Variants in PAX9 observed in about 807,000 individuals in gnomAD.
The protein encoded by PAX9 is paired box 9.
Under a neutral mutation model 29.1 loss-of-function variants are expected in PAX9, and 6 were observed. The observed-to-expected ratio is 0.21, with a 90% CI of 0.11 to 0.41. The LOEUF (loss-of-function observed/expected upper bound fraction) is 0.41. PAX9 is among the 10% of genes least tolerant of loss of function. PAX9 has a pLI of 1.00. For synonymous variants in PAX9, 217 were observed against 211.7 expected (o/e 1.03, Z -0.22); for missense variants, 443 against 479.1 (o/e 0.92, Z 0.70).
rs3061562 is a variant in PAX9 at position 36,672,852 on chromosome 14, C to CTTTTTTTTTTTTT, written c.772-3328_772-3316dup. Among the ~76,000 whole-genome samples the CTTTTTTTTTTTTT allele has an allele frequency of 6.3e-3, 121 of 19,158 alleles. 52 individuals are homozygous for CTTTTTTTTTTTTT. The highest frequency in any genetic ancestry group is 9.9e-3 in the Non-Finnish European group (103 of 10,444). 12.6% of individuals were successfully genotyped at this position (19,158 alleles called of 152,430 possible). A position where few individuals can be genotyped will look rare whatever the true frequency, so the allele number is the denominator to read the frequency against. The stretch of plus-strand genomic sequence containing the variant: ...TTCTTTTTTCTTTCTTTCTTTCTTC[C>CTTTTTTTTTTTTT]TTTTTTTTTTTTTTTTTTTTTTTTT... On this transcript the variant is annotated intron_variant, in intron 3 of 3. Coordinates refer to ENST00000361487, the MANE Select transcript of PAX9 (RefSeq NM_001372076.1).
chr14:36,662,865 G>C, intron 1 of PAX9, 32 bp from the exon 2 acceptor site: 1 of 1,591,034 alleles, frequency 6.3e-7, no homozygotes, highest in Non-Finnish European at 8.6e-7. Context: ...CAGCGGGTGC[G>C]CGTCCCTGCG....
chr14:36,664,917 T>G (rs1331391123), intron 2 of PAX9, among the ~76,000 whole-genome samples: 1 of 152,118 alleles, frequency 6.6e-6, no homozygotes, highest in Non-Finnish European at 1.5e-5. Flanking sequence ...AGTTTGCCCT[T>G]GATTTATAGG....
rs1881376836 is a variant in PAX9, at chr14:36,663,579, C to A, written c.631+56C>A. 8 of 1,604,692 alleles carry A rather than the reference C, an allele frequency of 5.0e-6. No individual in the cohort carries two copies. In the Middle Eastern group the frequency reaches 1.2e-3, roughly 240 times the overall value. ...TGCAGCGTCTGCCCCCGCACTCTCG[C>A]GGAGGTCCCAGTATCTGCAGCCTCA... is the stretch of plus-strand genomic sequence containing the variant. On this transcript the variant is annotated intron_variant, in intron 2 of 3. Coordinates refer to ENST00000361487, the MANE Select transcript of PAX9 (RefSeq NM_001372076.1).
rs749662886 is a variant in PAX9 at position 36,663,517 on chromosome 14, G to C, written c.625G>C (p.Asp209His). 40 of 1,612,688 alleles carry C rather than the reference G, an allele frequency of 2.5e-5. No individual in the cohort carries two copies. Among genetic ancestry groups the C allele is most frequent in the Non-Finnish European group, 3.1e-5 (37 of 1,179,916 alleles). The change falls in exon 2 of 4, where the codon GAC becomes CAC. Residue 209 changes from aspartate to histidine, a missense_variant. Around this residue, in one of 2 missense-constraint regions of PAX9, gnomAD observed 336 missense variants for 317.2 expected, o/e 1.06. Coordinates refer to ENST00000361487, the MANE Select transcript of PAX9 (RefSeq NM_001372076.1). ...TDILGIRSIT[D>H]QVSDSSPYHS... ...CATCCTGGGCATCCGCTCCATCACC[G>C]ACCAAGGTAGGGGCTCAGAGGCTGG...
At chr14:36,668,454 T>A (rs1351452590) in intron 3 of PAX9, among the ~76,000 whole-genome samples, 2 of 152,220 alleles carry the variant, frequency 1.3e-5, no homozygotes, top group Admixed American at 6.5e-5. Context: ...AGTGGCGCGA[T>A]CTCTACTTAT....
chr14:36,666,696 G>T (rs1373783482), intron 3 of PAX9, 95 bp downstream of exon 3: 1 of 1,456,856 alleles, frequency 6.9e-7, no homozygotes, highest in Non-Finnish European at 9.4e-7. Context: ...AGCTTCCCGC[G>T]AGAGAAGCCC....
chr14:36,674,662 T>C (rs1008159129), intron 3 of PAX9, among the ~76,000 whole-genome samples: 2 of 152,218 alleles, frequency 1.3e-5, no homozygotes. Flanking sequence ...AATTCATTAA[T>C]ACTCATTACT....
chr14:36,663,481 T>G lies in PAX9; in HGVS notation c.589T>G (p.Ser197Ala). 2 of 1,612,892 alleles carry G rather than the reference T, an allele frequency of 1.2e-6. No homozygotes were observed. The highest frequency in any genetic ancestry group is 1.7e-6 in the Non-Finnish European group (2 of 1,179,876). Residue 197 changes from serine (S) to alanine (A), a missense_variant, in exon 2 of 4, where the codon TCC (serine) becomes GCC (alanine). Around this residue, in one of 2 missense-constraint regions of PAX9, gnomAD observed 336 missense variants for 317.2 expected, o/e 1.06. Coordinates refer to ENST00000361487, the MANE Select transcript of PAX9 (RefSeq NM_001372076.1). ...GCCGCGCACCTGGCCCTCCTCGCAC[T>G]CCGTCACCGACATCCTGGGCATCCG... ...AMPRTWPSSH[S>A]VTDILGIRSI...
In PAX9 at chr14:36,663,375, G is replaced by T. The variant is rs761015279; in HGVS notation, c.483G>T (p.Ser161=). ...QPALPYNHIY[S]YPSPITAAAA... The stretch of plus-strand genomic sequence containing the variant: ...CGCTGCCCTACAACCACATCTACTC[G>T]TACCCCAGCCCTATCACGGCGGCGG... The change falls in exon 2 of 4, where the codon TCG becomes TCT. Residue 161 remains serine, a synonymous_variant. Coordinates refer to ENST00000361487, the MANE Select transcript of PAX9 (RefSeq NM_001372076.1). 1.4e-5 allele frequency: 23 copies of T among 1,613,752 alleles called. No individual in the cohort carries two copies. Among genetic ancestry groups the T allele is most frequent in the Admixed American group, 3.3e-5 (2 of 60,006 alleles).
Position 36,676,344 on chromosome 14 carries a change from G to A in PAX9, c.918G>A (p.Gly306=). 6.2e-7 allele frequency: 1 copy of A among 1,614,064 alleles called. No homozygotes were observed. The highest frequency in any genetic ancestry group is 1.3e-5 in the African/African-American group (1 of 74,998). The change falls in exon 4 of 4, where the codon GGG becomes GGA. Residue 306 remains glycine (G), a synonymous_variant. Transcript: ENST00000361487. ...YVAGHGWQHA[G]GTSLSPHNCD... is the part of the protein sequence containing the mutation. ...CTGGACATGGGTGGCAACATGCTGG[G>A]GGCACCTCATTGTCTCCCCACAACT... is the stretch of plus-strand genomic sequence containing the variant.
chr14:36,661,362 C>G (rs985722286), upstream of PAX9, among the ~76,000 whole-genome samples: 6 of 152,254 alleles, frequency 3.9e-5, no homozygotes, highest in Non-Finnish European at 8.8e-5. Context: ...CACCTGCGCT[C>G]TCGCCACCTG....
chr14:36,670,899 A>G, intron 3 of PAX9: 1 of 204,618 alleles, frequency 4.9e-6, no homozygotes, highest in Non-Finnish European at 1.0e-5. Flanking sequence ...CATAATTAAG[A>G]TCTTGTTGGA....
chr14:36,679,248 TAAA>T lies in PAX9; in HGVS notation c.*2800_*2802del, dbSNP rs1282184703. The T allele has an allele frequency of 1.6e-5, 16 of 983,938 alleles. No homozygotes were observed. The highest frequency in any genetic ancestry group is 5.2e-4 in the Middle Eastern group (1 of 1,930). 61.0% of individuals were successfully genotyped at this position (983,938 alleles called of 1,614,324 possible). On this transcript the variant is annotated 3_prime_UTR_variant, in exon 4 of 4. Transcript: ENST00000361487. ...GAATATTGGACTGAAATATAAATTT[TAAA>T]AAACACGTTGGAAAGGATGTACAAC...
In PAX9 at chr14:36,662,963, C is replaced by G. The variant is rs1158167937; in HGVS notation, c.71C>G (p.Ala24Gly). ...VFVNGRPLPN[A>G]IRLRIVELAQ... ...GTGAACGGGAGGCCGCTGCCCAACG[C>G]CATCCGGCTTCGCATCGTGGAACTG... The change falls in exon 2 of 4, where the codon GCC (alanine) becomes GGC (glycine). Residue 24 changes from alanine to glycine, a missense_variant. By Grantham distance (60) the Ala-to-Gly change is moderately conservative. Transcript: ENST00000361487. The G allele has an allele frequency of 1.2e-6, 2 of 1,613,484 alleles. No individual in the cohort carries two copies. The highest frequency in any genetic ancestry group is 1.7e-6 in the Non-Finnish European group (2 of 1,179,956).
chr14:36,678,701 C>CTT lies in PAX9; in HGVS notation c.*2251_*2252dup. 8.1e-7 allele frequency: 1 copy of CTT among 1,233,396 alleles called. No individual in the cohort carries two copies. Among genetic ancestry groups the CTT allele is most frequent in the Non-Finnish European group, 1.0e-6 (1 of 985,654 alleles). The allele number at this position is 1,233,396 out of a possible 1,614,324, so 76.4% of individuals were successfully genotyped here. On this transcript the variant is annotated 3_prime_UTR_variant, in exon 4 of 4. Transcript: ENST00000361487. ...GTGGAAATGCAAATAATGTTATTTT[C>CTT]TTTATCTAAATTAAGAAATCTCTTG...
Position 36,666,635 on chromosome 14 carries a change from G to T in PAX9, c.771+34G>T. 4 of 1,553,404 alleles carry T rather than the reference G, an allele frequency of 2.6e-6. No individual in the cohort carries two copies. The African/African-American group carries it at 5.4e-5, about 21-fold the overall frequency. ...GCGAGGGTCAGGCCAGGTGGGCCGC[G>T]TGGCGGCGGGGATTTAGGCGATGGA... On this transcript the variant is annotated intron_variant, in intron 3 of 3. Coordinates refer to ENST00000361487, the MANE Select transcript of PAX9 (RefSeq NM_001372076.1).
At chr14:36,670,363 G>A (rs962381885) in intron 3 of PAX9, among the ~76,000 whole-genome samples, 1 of 152,022 alleles carries the variant, frequency 6.6e-6, no homozygotes, top group Admixed American at 6.5e-5. Flanking sequence ...GAATTAAGTT[G>A]TGAAAATAGT....
rs1881880326 is a variant in PAX9 at position 36,676,178 on chromosome 14, T to C, written c.772-20T>C. On this transcript the variant is annotated intron_variant, in intron 3 of 3. Coordinates refer to ENST00000361487, the MANE Select transcript of PAX9 (RefSeq NM_001372076.1). ...CTCCTATAATGTGATTATTTTTCAC[T>C]TCTTTTCTACTCCTCTCAGGCACCA... is the stretch of plus-strand genomic sequence containing the variant. 3 of 1,613,774 alleles carry C rather than the reference T, an allele frequency of 1.9e-6. No homozygotes were observed. In the Admixed American group the frequency reaches 5.0e-5, roughly 27 times the overall value.
chr14:36,667,961 C>A (rs1881567946), intron 3 of PAX9, among the ~76,000 whole-genome samples: 1 of 152,218 alleles, frequency 6.6e-6, no homozygotes, highest in South Asian at 2.1e-4. Flanking sequence ...AATTTTTAGT[C>A]TCTATTTCTT....
Sources: allele counts gnomAD v4.1 joint callset (sites outside exome capture counted in the v4.1 genomes callset), GRCh38; gene constraint gnomAD v4.1.1; regional missense constraint gnomAD v4.1.1; transcripts MANE v1.5; gene names NCBI Gene and HGNC (gene_info 2026-07-23, HGNC 2026-07-21).